Variants in SPOCK1 observed in about 807,000 individuals in gnomAD.
The protein encoded by SPOCK1 is testican-1.
SPOCK1 carries 23 observed loss-of-function variants against 55.3 expected under a neutral mutation model. That is an observed-to-expected ratio of 0.42 (90% CI 0.30 to 0.59). The LOEUF is 0.59. Among genes scored for constraint, SPOCK1 ranks in the 20% least tolerant of loss-of-function variants. SPOCK1 has a pLI of 0.22. For missense variants in SPOCK1, 499 were observed against 552.5 expected (o/e 0.90, Z 0.97); for synonymous variants, 226 against 221.0 (o/e 1.02, Z -0.20).
chr5:137,039,660 G>A (rs759977710), intron 6 of SPOCK1, among the ~76,000 whole-genome samples: 19 of 152,210 alleles, frequency 1.2e-4, no homozygotes, highest in Non-Finnish European at 1.5e-4. Context: ...TGCTAATGAT[G>A]GCCTAGAGGG....
At chr5:137,256,910 T>G (rs1756645917) in intron 3 of SPOCK1, among the ~76,000 whole-genome samples, 1 of 152,216 alleles carries the variant, frequency 6.6e-6, no homozygotes, top group African/African-American at 2.4e-5. Context: ...TAATTGATTT[T>G]CCAGCATTGA....
At chr5:137,285,750 CT>C (rs886369986) in intron 2 of SPOCK1, among the ~76,000 whole-genome samples, 11 of 152,236 alleles carry the variant, frequency 7.2e-5, no homozygotes, top group African/African-American at 2.4e-4. Flanking sequence ...TAATGGAAGC[CT>C]TTTGCACCAA....
At chr5:137,004,524 A>C (rs1376665847) in intron 6 of SPOCK1, among the ~76,000 whole-genome samples, 1 of 152,100 alleles carries the variant, frequency 6.6e-6, no homozygotes, top group Admixed American at 6.6e-5. Flanking sequence ...GGATCGTGTG[A>C]CTGGCACAGT....
chr5:137,155,032 G>GA (rs1754388840), intron 3 of SPOCK1, among the ~76,000 whole-genome samples: 1 of 152,188 alleles, frequency 6.6e-6, no homozygotes, highest in South Asian at 2.1e-4. Context: ...CTTTAAAGAG[G>GA]AGTGGTAACA....
At chr5:137,132,078 G>A (rs1290826017) in intron 4 of SPOCK1, among the ~76,000 whole-genome samples, 8 of 137,230 alleles carry the variant, frequency 5.8e-5, no homozygotes, top group African/African-American at 1.7e-4. Context: ...AGGAGGCTGA[G>A]GCAGGAAAAT....
chr5:137,287,648 T>C (rs746995254), intron 2 of SPOCK1, among the ~76,000 whole-genome samples: 7 of 152,236 alleles, frequency 4.6e-5, no homozygotes, highest in African/African-American at 1.4e-4. Flanking sequence ...TGTCTCTAGA[T>C]AGACACTAGT....
chr5:137,201,093 G>A (rs569521037), intron 3 of SPOCK1, among the ~76,000 whole-genome samples: 1 of 152,316 alleles, frequency 6.6e-6, no homozygotes, highest in Admixed American at 6.5e-5. Flanking sequence ...CAACTGTCCT[G>A]TTGAGTTGTC....
chr5:137,214,725 G>T (rs1474992232), intron 3 of SPOCK1, among the ~76,000 whole-genome samples: 1 of 152,206 alleles, frequency 6.6e-6, no homozygotes. Context: ...ATGAGCAAGA[G>T]ATAGTGGGGC....
chr5:137,381,002 A>C (rs575133272), intron 2 of SPOCK1, among the ~76,000 whole-genome samples: 1 of 152,256 alleles, frequency 6.6e-6, no homozygotes, highest in African/African-American at 2.4e-5. Flanking sequence ...ATCACACACA[A>C]GTTATGTACT....
chr5:137,104,652 G>C (rs1467259392), intron 5 of SPOCK1, among the ~76,000 whole-genome samples: 1 of 152,030 alleles, frequency 6.6e-6, no homozygotes, highest in Non-Finnish European at 1.5e-5. Context: ...TCTCATAGGA[G>C]TGCGAATCCT....
At chr5:137,224,246 G>T (rs1755908597) in intron 3 of SPOCK1, among the ~76,000 whole-genome samples, 1 of 152,238 alleles carries the variant, frequency 6.6e-6, no homozygotes, top group African/African-American at 2.4e-5. Flanking sequence ...TTAGGAAAGA[G>T]AAATCATAGG....
In SPOCK1 at chr5:137,177,135, T is replaced by A. The variant is rs1754869533; in HGVS notation, c.233-36441A>T. On this transcript the variant is annotated intron_variant, in intron 3 of 10. Transcript: ENST00000394945. ...AGTATGCTCAGGGAAAAGAGATGAA[T>A]GAATGGCCTCACAGAGCAGCATCTC... 2.6e-5 allele frequency among the ~76,000 whole-genome samples: 4 copies of A among 152,282 alleles called. No individual in the cohort carries two copies. The South Asian group carries it at 8.3e-4, about 32-fold the overall frequency.
chr5:137,097,444 C>G (rs1358429190), intron 5 of SPOCK1, among the ~76,000 whole-genome samples: 6 of 152,180 alleles, frequency 3.9e-5, no homozygotes, highest in African/African-American at 1.4e-4. Flanking sequence ...AGCCTGATAA[C>G]TATTCCCAAG....
At chr5:137,312,488 G>A (rs1757805558) in intron 2 of SPOCK1, among the ~76,000 whole-genome samples, 1 of 152,224 alleles carries the variant, frequency 6.6e-6, no homozygotes, top group East Asian at 1.9e-4. Context: ...CCACACTGGT[G>A]AGGAAGGACC....
intron 6 of SPOCK1, among the ~76,000 whole-genome samples, chr5:137,004,653 T>G (rs1188455072): frequency 1.3e-5 from 2 of 152,102 alleles, no homozygotes; most frequent in South Asian, 4.1e-4. Context: ...TAGTAATTTC[T>G]CTCTTCCCCT....
At chr5:137,240,712 T>G (rs561857871) in intron 3 of SPOCK1, among the ~76,000 whole-genome samples, 31 of 152,182 alleles carry the variant, frequency 2.0e-4, no homozygotes, top group African/African-American at 5.8e-4. Context: ...TTATACAAGT[T>G]TATCCTTAAA....
intron 6 of SPOCK1, among the ~76,000 whole-genome samples, chr5:137,027,972 A>G (rs1751708600): frequency 6.6e-6 from 1 of 151,644 alleles, no homozygotes; most frequent in African/African-American, 2.4e-5. Flanking sequence ...TAAACTTACC[A>G]CCCCCAAACT....
At chr5:137,360,726 T>C (rs1415155197) in intron 2 of SPOCK1, among the ~76,000 whole-genome samples, 2 of 152,194 alleles carry the variant, frequency 1.3e-5, no homozygotes, top group African/African-American at 4.8e-5. Context: ...TGCACATTTC[T>C]CAGAAGACTG....
chr5:137,491,053 C>T (rs547407824), intron 2 of SPOCK1, among the ~76,000 whole-genome samples: 2 of 152,254 alleles, frequency 1.3e-5, no homozygotes, highest in African/African-American at 4.8e-5. Context: ...ATATACCAGC[C>T]ACTCAAAGAT....
Sources: gnomAD v4.1 joint callset for allele counts (sites outside exome capture counted in the v4.1 genomes callset) on GRCh38, gnomAD v4.1.1 for gene constraint, MANE v1.5 for transcripts, NCBI Gene and HGNC (gene_info 2026-07-23, HGNC 2026-07-21) for gene names.